LPCAT3: variants seen among roughly 807,000 people sequenced by gnomAD.
LPCAT3 encodes lysophospholipid acyltransferase 5.
A neutral mutation model predicts 63.4 loss-of-function variants in LPCAT3; 21 were observed. The ratio of observed to expected loss-of-function variants is 0.33; its 90% CI spans 0.23 to 0.48. The LOEUF is 0.48. Among genes scored for constraint, LPCAT3 ranks in the 20% least tolerant of loss-of-function variants. The pLI is 0.99. For synonymous variants in LPCAT3, 242 were observed against 227.5 expected, an observed-to-expected ratio of 1.06 and a Z score of -0.58; for missense variants, 451 against 590.6, an observed-to-expected ratio of 0.76 and a Z score of 2.45.
intron 1 of LPCAT3, among the ~76,000 whole-genome samples, chr12:7,002,747 A>G (rs1424599871): frequency 1.3e-5 from 2 of 152,256 alleles, no homozygotes; most frequent in African/African-American, 4.8e-5. Flanking sequence ...GCAGTGGCTA[A>G]CGCCTGTAAT....
At position 6,977,108 on chromosome 12, in the gene LPCAT3, G is replaced by GT. The variant is rs1282067282; in HGVS notation, c.*12+25dup. The GT allele has an allele frequency of 2.2e-6, 3 of 1,353,906 alleles. No homozygotes were observed. Among genetic ancestry groups the GT allele is most frequent in the Admixed American group, 3.4e-5 (2 of 59,356 alleles). The allele number at this position is 1,353,906 out of a possible 1,614,324, so 83.9% of individuals were successfully genotyped here. On this transcript the variant is annotated intron_variant, in intron 12 of 12. Coordinates refer to ENST00000261407, the MANE Select transcript of LPCAT3 (RefSeq NM_005768.6). The surrounding 1 kb of genome is among the most constrained non-coding windows in gnomAD (Gnocchi z 4.5). ...TGCTCTATTCTGTAACCTGGTGGTAGTTTTAGTTTAGCTGTATTAACTTAC... is the reference window on the plus strand; with the variant it reads ...TGCTCTATTCTGTAACCTGGTGGTAGTTTTTAGTTTAGCTGTATTAACTTAC...
chr12:6,982,584 T>G, intron 3 of LPCAT3, 92 bp downstream of exon 3: 1 of 898,256 alleles, frequency 1.1e-6, no homozygotes, highest in Non-Finnish European at 1.8e-6. Context: ...AGAAATTAGG[T>G]CTGCTAATTT....
At position 6,977,801 on chromosome 12, in the gene LPCAT3, C is replaced by CA; in HGVS notation, c.1041-57dup. ...AAACTGACTGGTCCTTGCATCCCGC[C>CA]ACCTGCCTCTGGGTCCTCACCCTGA... is the stretch of plus-strand genomic sequence containing the variant. On this transcript the variant is annotated intron_variant, in intron 9 of 12. Coordinates refer to ENST00000261407, the MANE Select transcript of LPCAT3 (RefSeq NM_005768.6). The surrounding 1 kb of genome is among the most constrained non-coding windows in gnomAD (Gnocchi z 4.5). The CA allele has an allele frequency of 6.2e-7, 1 of 1,603,826 alleles. No homozygotes were observed. Among genetic ancestry groups the CA allele is most frequent in the Non-Finnish European group, 8.5e-7 (1 of 1,173,254 alleles).
At chr12:6,990,166 G>T (rs907451011) in intron 1 of LPCAT3, among the ~76,000 whole-genome samples, 5 of 139,916 alleles carry the variant, frequency 3.6e-5, no homozygotes, top group Admixed American at 2.9e-4. Flanking sequence ...CAACAAAGTT[G>T]TTTTTTTTGA....
rs1195547332 is a variant in LPCAT3 at position 6,978,751 on chromosome 12, CTCT to C, written c.787-65_787-63del. On this transcript the variant is annotated intron_variant, in intron 7 of 12. Transcript: ENST00000261407. ...CATGACTAGGCAGTTTCTCTCAGCA[CTCT>C]TCCTTTTCACACTTGTGGCTGGCTA... is the stretch of plus-strand genomic sequence containing the variant. 3 of 1,594,462 alleles carry C rather than the reference CTCT, an allele frequency of 1.9e-6. No individual in the cohort carries two copies. The African/African-American group carries it at 4.0e-5, about 21-fold the overall frequency.
At chr12:7,011,647 C>CAAAAAAAAAAAAAAA (rs1177972639) in intron 1 of LPCAT3, among the ~76,000 whole-genome samples, 3 of 75,710 alleles carry the variant, frequency 4.0e-5, no homozygotes, top group Non-Finnish European at 5.5e-5. Flanking sequence ...CACCATGTCT[C>CAAAAAAAAAAAAAAA]AAAAAAAAAA....
Position 6,978,380 on chromosome 12 carries a change from ATGG to A in LPCAT3, c.998_1000del (p.Thr333del), listed in dbSNP as rs1565596661. The A allele has an allele frequency of 6.2e-7, 1 of 1,613,450 alleles. No homozygotes were observed. Among genetic ancestry groups the A allele is most frequent in the Non-Finnish European group, 8.5e-7 (1 of 1,179,836 alleles). ...GTTGGTGTTGATGTTGAATGAGGCAATGGTGCCAGTGAAGCGGGGGTTTGTTTC... is the reference window on the plus strand; with the variant it reads ...GTTGGTGTTGATGTTGAATGAGGCAATGCCAGTGAAGCGGGGGTTTGTTTC... On this transcript the variant is annotated inframe_deletion, in exon 9 of 13. Coordinates refer to ENST00000261407, the MANE Select transcript of LPCAT3 (RefSeq NM_005768.6).
At chr12:6,985,166 C>T (rs1242711102) in intron 1 of LPCAT3, among the ~76,000 whole-genome samples, 6 of 143,928 alleles carry the variant, frequency 4.2e-5, no homozygotes, top group East Asian at 4.2e-4. Context: ...CTGAGACGGG[C>T]GGATCATGAG....
In LPCAT3 at chr12:7,016,674, G is replaced by A. The variant is rs782457697; in HGVS notation, c.151+1600C>T. ...AGTGTTACGATTATAAGCATAAGCC[G>A]CTGCGTCCTGTCAAATGTAAACACT... On this transcript the variant is annotated intron_variant, in intron 1 of 12. Transcript: ENST00000261407. Among the ~76,000 whole-genome samples, 3 of 152,322 alleles carry A rather than the reference G, an allele frequency of 2.0e-5. No homozygotes were observed. In the South Asian group the frequency reaches 6.2e-4, roughly 32 times the overall value.
intron 1 of LPCAT3, among the ~76,000 whole-genome samples, chr12:6,999,442 C>T (rs985776398): frequency 6.6e-5 from 10 of 152,226 alleles, no homozygotes; most frequent in African/African-American, 2.4e-4. Flanking sequence ...GTTTTTTACT[C>T]TCTCAACCCA....
rs782148571 is a variant in LPCAT3, at chr12:6,981,596, T to A, written c.497A>T (p.Gln166Leu). Residue 166 changes from glutamine to leucine, a missense_variant and splice_region_variant, in exon 5 of 13, where the codon CAG (glutamine) becomes CTG (leucine). By Grantham distance (113) the Gln-to-Leu change is moderately radical. Around this residue, in one of 3 missense-constraint regions of LPCAT3, gnomAD observed 304 missense variants for 390.8 expected, o/e 0.78. Coordinates refer to ENST00000261407, the MANE Select transcript of LPCAT3 (RefSeq NM_005768.6). ...CTCTGCCGATGAATGGGTACTTACCTGATCTTTCCCTCCGTCAAAGTAGTC... is the reference window on the plus strand; with the variant it reads ...CTCTGCCGATGAATGGGTACTTACCAGATCTTTCCCTCCGTCAAAGTAGTC... Reference protein sequence around the residue: ...AVDYFDGGKDQNSLSSEQQKY... With the variant: ...AVDYFDGGKDLNSLSSEQQKY... 14 of 1,614,076 alleles carry A rather than the reference T, an allele frequency of 8.7e-6. No individual in the cohort carries two copies. The Admixed American group carries it at 2.3e-4, about 27-fold the overall frequency.
At chr12:6,978,766 C>T in intron 7 of LPCAT3, 77 bp from the exon 8 acceptor site, 1 of 1,575,708 alleles carries the variant, frequency 6.3e-7, no homozygotes, top group East Asian at 2.3e-5. Context: ...CCTTTTCACA[C>T]TTGTGGCTGG....
chr12:7,018,284 G>A lies in LPCAT3; in HGVS notation c.141C>T (p.Ser47=). The A allele has an allele frequency of 1.2e-6, 2 of 1,603,356 alleles. No homozygotes were observed. The highest frequency in any genetic ancestry group is 2.2e-5 in the South Asian group (2 of 89,116). Residue 47 remains serine (S), a synonymous_variant, in exon 1 of 13, where the codon TCC becomes TCT. Transcript: ENST00000261407. The surrounding 1 kb of genome is among the most constrained non-coding windows in gnomAD (Gnocchi z 4.9). ...ASEQALRLII[S]IFLGYPFALF... ...CAGGAGGGTCCTTACCCAGGAAGATGGAGATGATCAGCCGCAGCGCCTGTT... is the reference window on the plus strand; with the variant it reads ...CAGGAGGGTCCTTACCCAGGAAGATAGAGATGATCAGCCGCAGCGCCTGTT...
At chr12:6,978,799 C>T (rs1946438166) in intron 7 of LPCAT3, 110 bp from the exon 8 acceptor site, 1 of 1,492,460 alleles carries the variant, frequency 6.7e-7, no homozygotes, top group Non-Finnish European at 9.0e-7. Context: ...TGCCTGAGTC[C>T]TGCTGCCAGA....
chr12:7,007,069 G>C (rs1388552067), intron 1 of LPCAT3, among the ~76,000 whole-genome samples: 1 of 151,964 alleles, frequency 6.6e-6, no homozygotes, highest in African/African-American at 2.4e-5. Flanking sequence ...TTGAGACGGA[G>C]TTTTTGCTCT....
intron 3 of LPCAT3, among the ~76,000 whole-genome samples, chr12:6,982,231 G>A (rs1000224637): frequency 4.6e-5 from 7 of 152,080 alleles, no homozygotes; most frequent in Non-Finnish European, 1.0e-4. Context: ...TAGAGATGGG[G>A]TTTCACCATG....
chr12:7,007,106 C>T (rs782647722), intron 1 of LPCAT3, among the ~76,000 whole-genome samples: 24 of 152,072 alleles, frequency 1.6e-4, no homozygotes, highest in Admixed American at 2.0e-4. Context: ...TGCAATGGCG[C>T]GATCTCGGCT....
intron 1 of LPCAT3, among the ~76,000 whole-genome samples, chr12:6,990,378 G>A (rs782482964): frequency 4.0e-4 from 60 of 149,496 alleles, no homozygotes; most frequent in African/African-American, 1.4e-3. Flanking sequence ...GTGTGGTGGC[G>A]GGCACCTGTA....
intron 1 of LPCAT3, among the ~76,000 whole-genome samples, chr12:6,992,983 T>C (rs1946603285): frequency 6.6e-6 from 1 of 152,198 alleles, no homozygotes; most frequent in East Asian, 1.9e-4. Context: ...TTTTTATTTA[T>C]ATTTTTATTA....
Sources: gnomAD v4.1 joint callset for allele counts (sites outside exome capture counted in the v4.1 genomes callset) on GRCh38, gnomAD v4.1.1 for gene constraint, gnomAD v4.1.1 regional missense constraint, Gnocchi (gnomAD v3.1) non-coding constraint, MANE v1.5 for transcripts, NCBI Gene and HGNC (gene_info 2026-07-23, HGNC 2026-07-21) for gene names.